SPECC1: variants seen among roughly 807,000 people sequenced by gnomAD.
SPECC1 encodes sperm antigen with calponin homology and coiled-coil domains 1.
Under a neutral mutation model 104.1 loss-of-function variants are expected in SPECC1, and 62 were observed. The observed-to-expected ratio is 0.60, with a 90% CI of 0.49 to 0.74. The LOEUF is 0.74. Among genes scored for constraint, SPECC1 ranks in the 30% least tolerant of loss-of-function variants. SPECC1 has a pLI of 0.00. For missense variants in SPECC1, 1,306 were observed against 1,310.5 expected (o/e 1.00, Z 0.05); for synonymous variants, 513 against 501.6 (o/e 1.02, Z -0.30).
chr17:20,209,720 T>C (rs1405953411), intron 4 of SPECC1, among the ~76,000 whole-genome samples: 1 of 152,220 alleles, frequency 6.6e-6, no homozygotes, highest in African/African-American at 2.4e-5. Context: ...AAGCCACCAC[T>C]CCTATCCTTG....
intron 13 of SPECC1, among the ~76,000 whole-genome samples, chr17:20,303,140 A>G (rs937373127): frequency 5.3e-5 from 8 of 152,104 alleles, no homozygotes; most frequent in African/African-American, 1.9e-4. Context: ...GGCATTACAT[A>G]TTAAAAGCCA....
At chr17:20,251,042 C>CA (rs1179604183) in intron 9 of SPECC1, among the ~76,000 whole-genome samples, 3 of 151,774 alleles carry the variant, frequency 2.0e-5, no homozygotes, top group Non-Finnish European at 4.4e-5. Context: ...CTCTGGTCAC[C>CA]ATGGCGAAAC....
intron 1 of SPECC1, among the ~76,000 whole-genome samples, chr17:20,064,080 G>C (rs2046280932): frequency 6.6e-6 from 1 of 152,158 alleles, no homozygotes; most frequent in Admixed American, 6.5e-5. Context: ...AGGTGATCTT[G>C]GGGTTTCAGA....
At chr17:20,056,947 A>G (rs557483250) in intron 1 of SPECC1, among the ~76,000 whole-genome samples, 7 of 152,272 alleles carry the variant, frequency 4.6e-5, no homozygotes, top group African/African-American at 1.7e-4. Context: ...TTCTTTCCTT[A>G]TTCTGTTTCC....
At chr17:20,307,859 G>A (rs1435445776) in intron 14 of SPECC1, among the ~76,000 whole-genome samples, 2 of 152,150 alleles carry the variant, frequency 1.3e-5, no homozygotes, top group Non-Finnish European at 2.9e-5. Flanking sequence ...TCTCAAGCAG[G>A]ATGAATAAAA....
intron 1 of SPECC1, among the ~76,000 whole-genome samples, chr17:20,058,435 G>T (rs139299586): frequency 1.1e-3 from 175 of 152,224 alleles, no homozygotes; most frequent in African/African-American, 4.0e-3. Flanking sequence ...TTTGAGGGAG[G>T]ATCACTTGAG....
chr17:20,306,398 G>A lies in SPECC1; in HGVS notation c.3117+316G>A, dbSNP rs192751025. On this transcript the variant is annotated intron_variant, in intron 14 of 14. Transcript: ENST00000395527. ...CTATGTTAAAAAATATCAACACATA[G>A]CTAAGCTCTTAATAAAGAATGGGAA... Among the ~76,000 whole-genome samples the A allele has an allele frequency of 1.2e-4, 19 of 152,254 alleles. No homozygotes were observed. In the East Asian group the frequency reaches 3.7e-3, roughly 29 times the overall value.
intron 3 of SPECC1, among the ~76,000 whole-genome samples, chr17:20,123,459 C>T (rs957184988): frequency 6.6e-6 from 1 of 152,212 alleles, no homozygotes; most frequent in African/African-American, 2.4e-5. Context: ...TGCATGCTCC[C>T]AGTTACCTGC....
intron 3 of SPECC1, among the ~76,000 whole-genome samples, chr17:20,137,059 C>T (rs1281061028): frequency 6.6e-6 from 1 of 152,240 alleles, no homozygotes; most frequent in Admixed American, 6.5e-5. Flanking sequence ...TTGCCTTCAC[C>T]ATCGGAAACC....
chr17:20,093,715 T>G (rs2047506493), intron 1 of SPECC1, among the ~76,000 whole-genome samples: 1 of 103,286 alleles, frequency 9.7e-6, no homozygotes, highest in African/African-American at 3.7e-5. Flanking sequence ...TTTGTTTTTG[T>G]TTTTGTTTTT....
At chr17:20,199,973 A>C (rs1159929869) in intron 3 of SPECC1, among the ~76,000 whole-genome samples, 2 of 151,960 alleles carry the variant, frequency 1.3e-5, no homozygotes, top group Non-Finnish European at 2.9e-5. Context: ...TTGCATTTTT[A>C]GTAGAGATGG....
Position 20,145,403 on chromosome 17 carries a change from G to A in SPECC1, c.283+34841G>A, listed in dbSNP as rs146835253. On this transcript the variant is annotated intron_variant, in intron 3 of 14. Coordinates refer to ENST00000395527, the MANE Select transcript of SPECC1 (RefSeq NM_001243439.2). ...AACTCAGAGGGTGTTTAATTCAGGG[G>A]TTCGGCATGCCAAAAAGGGTGCAGG... is the stretch of plus-strand genomic sequence containing the variant. Among the ~76,000 whole-genome samples, 240 of 152,306 alleles carry A rather than the reference G, an allele frequency of 1.6e-3. 2 individuals are homozygous for A. The highest frequency in any genetic ancestry group is 5.4e-3 in the African/African-American group (225 of 41,556).
At chr17:20,132,770 C>T (rs1035025916) in intron 3 of SPECC1, among the ~76,000 whole-genome samples, 11 of 151,762 alleles carry the variant, frequency 7.2e-5, no homozygotes, top group Non-Finnish European at 1.2e-4. Flanking sequence ...GATGGAGTCT[C>T]GCTCTGTCAC....
intron 3 of SPECC1, among the ~76,000 whole-genome samples, chr17:20,140,462 C>G (rs909473213): frequency 5.9e-5 from 9 of 152,168 alleles, no homozygotes; most frequent in African/African-American, 2.2e-4. Flanking sequence ...TGAGTCTTTT[C>G]AAACCATTCA....
intron 7 of SPECC1, among the ~76,000 whole-genome samples, chr17:20,235,455 A>T (rs1232525013): frequency 1.3e-5 from 2 of 152,212 alleles, no homozygotes; most frequent in African/African-American, 4.8e-5. Flanking sequence ...ACTGAAATGA[A>T]CCCGTCACAT....
intron 1 of SPECC1, among the ~76,000 whole-genome samples, chr17:20,055,302 T>C (rs1272205525): frequency 6.6e-6 from 1 of 152,114 alleles, no homozygotes; most frequent in Non-Finnish European, 1.5e-5. Context: ...CTCCATGGTA[T>C]GTATATACCA....
intron 1 of SPECC1, among the ~76,000 whole-genome samples, chr17:20,059,885 A>G (rs551933544): frequency 1.3e-5 from 2 of 152,262 alleles, no homozygotes; most frequent in South Asian, 4.1e-4. Flanking sequence ...AAACAAAGCA[A>G]AACAAACATG....
intron 1 of SPECC1, among the ~76,000 whole-genome samples, chr17:20,027,524 C>A (rs1469987044): frequency 6.6e-6 from 1 of 152,048 alleles, no homozygotes; most frequent in Non-Finnish European, 1.5e-5. Flanking sequence ...AAGCGTTTTT[C>A]CTTATGTTTT....
chr17:20,016,715 C>G (rs189874732), intron 1 of SPECC1, among the ~76,000 whole-genome samples: 2 of 152,372 alleles, frequency 1.3e-5, no homozygotes, highest in Non-Finnish European at 2.9e-5. Context: ...ACCCCCACCT[C>G]CTGGGCTCCT....
Sources: allele counts gnomAD v4.1 joint callset (sites outside exome capture counted in the v4.1 genomes callset), GRCh38; gene constraint gnomAD v4.1.1; transcripts MANE v1.5; gene names NCBI Gene and HGNC (gene_info 2026-07-23, HGNC 2026-07-21).